VAV2: variants seen among roughly 807,000 people sequenced by gnomAD.
VAV2 encodes the protein guanine nucleotide exchange factor VAV2.
Under a neutral mutation model 132.5 loss-of-function variants are expected in VAV2, and 67 were observed. The ratio of observed to expected loss-of-function variants is 0.51; its 90% CI spans 0.42 to 0.62. The LOEUF is 0.62. VAV2 is among the 20% of genes least tolerant of loss of function. VAV2 has a pLI of 0.00. For synonymous variants in VAV2, 492 were observed against 443.5 expected, an observed-to-expected ratio of 1.11 and a Z score of -1.37; for missense variants, 938 against 1,153.6, an observed-to-expected ratio of 0.81 and a Z score of 2.71.
In VAV2 at chr9:133,857,937, C is replaced by A. The variant is rs1213285177; in HGVS notation, c.380+3437G>T. Among the ~76,000 whole-genome samples the A allele has an allele frequency of 1.3e-5, 2 of 152,228 alleles. No individual in the cohort carries two copies. The highest frequency in any genetic ancestry group is 2.9e-5 in the Non-Finnish European group (2 of 68,036). ...AGGAGGGCCTGCAGAGGTCTTCCTGCAAAGCCTCGCTCTGCGCCCAGGAGG... is the reference window on the plus strand; with the variant it reads ...AGGAGGGCCTGCAGAGGTCTTCCTGAAAAGCCTCGCTCTGCGCCCAGGAGG... On this transcript the variant is annotated intron_variant, in intron 3 of 29. Transcript: ENST00000371850. The surrounding 1 kb of genome is among the most constrained non-coding windows in gnomAD (Gnocchi z 4.0).
At chr9:133,803,241 G>A (rs771199466) in intron 9 of VAV2, among the ~76,000 whole-genome samples, 3 of 152,158 alleles carry the variant, frequency 2.0e-5, no homozygotes, top group Non-Finnish European at 4.4e-5. Flanking sequence ...CCTTCGTCTC[G>A]TTCTGTTCTG....
At position 133,992,315 on chromosome 9, in the gene VAV2, G is replaced by T. The variant is rs761647218; in HGVS notation, c.-37C>A. On this transcript the variant is annotated 5_prime_UTR_variant, in exon 1 of 30. Transcript: ENST00000371850. This position sits in a 1 kb window ranked among gnomAD's most constrained non-coding sequence, Gnocchi z 5.5. ...GCCCGACCGGCTCAGGGCAGTGCTC[G>T]AGCCAAAGTGCAGCGGCCGCGGGGC... 6 of 1,294,772 alleles carry T rather than the reference G, an allele frequency of 4.6e-6. No individual in the cohort carries two copies. Among genetic ancestry groups the T allele is most frequent in the African/African-American group, 4.6e-5 (3 of 64,974 alleles). The allele number at this position is 1,294,772 out of a possible 1,614,324, so 80.2% of individuals were successfully genotyped here.
intron 1 of VAV2, among the ~76,000 whole-genome samples, chr9:133,988,043 G>A (rs1196723770): frequency 9.9e-5 from 15 of 152,166 alleles, no homozygotes; most frequent in Admixed American, 9.8e-4. Context: ...TGGGAGGGGC[G>A]CTCCAAGTCC....
At chr9:133,976,077 G>A (rs1042275785) in intron 1 of VAV2, among the ~76,000 whole-genome samples, 1 of 151,920 alleles carries the variant, frequency 6.6e-6, no homozygotes, top group Admixed American at 6.6e-5. Context: ...CGTGGTGGTG[G>A]GCACCTGTAA....
At chr9:133,849,498 G>A (rs904484382) in intron 3 of VAV2, among the ~76,000 whole-genome samples, 6 of 152,214 alleles carry the variant, frequency 3.9e-5, no homozygotes, top group Non-Finnish European at 5.9e-5. Flanking sequence ...TGGACCCTGC[G>A]TCCCAGAGCT....
intron 1 of VAV2, among the ~76,000 whole-genome samples, chr9:133,950,285 G>A (rs1476015775): frequency 1.3e-5 from 2 of 152,206 alleles, no homozygotes; most frequent in Non-Finnish European, 2.9e-5. Context: ...TCATTTGGAA[G>A]TCTGAGTGGA....
At chr9:133,806,021 T>TG (rs1277891905) in intron 9 of VAV2, 60 bp downstream of exon 9, 34 of 1,543,562 alleles carry the variant, frequency 2.2e-5, no homozygotes, top group Non-Finnish European at 3.0e-5. Flanking sequence ...GTTCCACTTG[T>TG]GTAAACTCTC....
chr9:133,917,388 T>C (rs1208034675), intron 2 of VAV2, among the ~76,000 whole-genome samples: 1 of 151,988 alleles, frequency 6.6e-6, no homozygotes, highest in Non-Finnish European at 1.5e-5. Flanking sequence ...CTGAATATTT[T>C]TTGACTTAAC....
rs1295055251 is a variant in VAV2, at chr9:133,863,600, G to A, written c.322-2168C>T. ...CCAAGCTTGGGGCGCTTTGCCCCAG[G>A]ATGAACGTGTCACGAGCAGCTGATG... On this transcript the variant is annotated intron_variant, in intron 2 of 29. Transcript: ENST00000371850. The surrounding 1 kb of genome is among the most constrained non-coding windows in gnomAD (Gnocchi z 5.0). 6.6e-6 allele frequency among the ~76,000 whole-genome samples: 1 copy of A among 152,316 alleles called. No homozygotes were observed. The highest frequency in any genetic ancestry group is 1.5e-5 in the Non-Finnish European group (1 of 68,016).
At chr9:133,974,460 C>T (rs1459328757) in intron 1 of VAV2, among the ~76,000 whole-genome samples, 1 of 152,136 alleles carries the variant, frequency 6.6e-6, no homozygotes, top group Non-Finnish European at 1.5e-5. Flanking sequence ...CAGCAGTGGT[C>T]TCCGTTTGCT....
At chr9:133,845,626 A>ACGGGGCCTCACGTTGGAGGAT (rs1836903667) in intron 3 of VAV2, among the ~76,000 whole-genome samples, 2 of 152,170 alleles carry the variant, frequency 1.3e-5, no homozygotes, top group Non-Finnish European at 2.9e-5. Flanking sequence ...CCCTAGTGTG[A>ACGGGGCCTCACGTTGGAGGAT]CGGGGCCTCA....
At chr9:133,947,554 C>T (rs1167891560) in intron 1 of VAV2, among the ~76,000 whole-genome samples, 1 of 151,934 alleles carries the variant, frequency 6.6e-6, no homozygotes, top group Non-Finnish European at 1.5e-5. Flanking sequence ...ACAAAATTAG[C>T]CAGGCGTGGT....
At chr9:133,980,037 C>T (rs1162918941) in intron 1 of VAV2, among the ~76,000 whole-genome samples, 1 of 152,256 alleles carries the variant, frequency 6.6e-6, no homozygotes, top group African/African-American at 2.4e-5. Context: ...GCGCGACACA[C>T]AGAGTAGGGT....
At chr9:133,864,013 G>A (rs956744687) in intron 2 of VAV2, among the ~76,000 whole-genome samples, 2 of 152,126 alleles carry the variant, frequency 1.3e-5, no homozygotes, top group African/African-American at 2.4e-5. Context: ...AGAGAGCTGG[G>A]TGTCCCCAGG....
chr9:133,973,089 G>A (rs796259591), intron 1 of VAV2, among the ~76,000 whole-genome samples: 7 of 152,074 alleles, frequency 4.6e-5, no homozygotes, highest in African/African-American at 1.7e-4. Context: ...GCCCTGCCTT[G>A]GTACCAAGGC....
At chr9:133,871,235 G>A (rs951566580) in intron 2 of VAV2, among the ~76,000 whole-genome samples, 2 of 146,816 alleles carry the variant, frequency 1.4e-5, no homozygotes, top group South Asian at 4.3e-4. Context: ...TAGGTGGGTG[G>A]GCAGATGGAT....
At chr9:133,910,760 CTTGCAGTGAGCCGAGA>C (rs1235674153) in intron 2 of VAV2, among the ~76,000 whole-genome samples, 1 of 145,266 alleles carries the variant, frequency 6.9e-6, no homozygotes, top group East Asian at 2.1e-4. Flanking sequence ...GGAGGTGGAG[CTTGCAGTGAGCCGAGA>C]TTGCACCACT....
chr9:133,817,291 G>C (rs1388009178), intron 4 of VAV2, among the ~76,000 whole-genome samples: 7 of 152,204 alleles, frequency 4.6e-5, no homozygotes, highest in Non-Finnish European at 8.8e-5. Flanking sequence ...TAGACGTCCT[G>C]ACATCATCCC....
In VAV2 at chr9:133,969,740, A is replaced by T. The variant is rs528464462; in HGVS notation, c.204+22335T>A. On this transcript the variant is annotated intron_variant, in intron 1 of 29. Transcript: ENST00000371850. The surrounding 1 kb of genome is among the most constrained non-coding windows in gnomAD (Gnocchi z 5.1). ...AGCCCACCCACTCCTCCTGCGCTCCAGCGGGGCCGTCCATCTCTCTCCATT... is the reference window on the plus strand; with the variant it reads ...AGCCCACCCACTCCTCCTGCGCTCCTGCGGGGCCGTCCATCTCTCTCCATT... 4.6e-5 allele frequency among the ~76,000 whole-genome samples: 7 copies of T among 151,984 alleles called. No individual in the cohort carries two copies. Among genetic ancestry groups the T allele is most frequent in the African/African-American group, 1.7e-4 (7 of 41,394 alleles).
Sources: allele counts gnomAD v4.1 joint callset (sites outside exome capture counted in the v4.1 genomes callset), GRCh38; gene constraint gnomAD v4.1.1; non-coding constraint Gnocchi (gnomAD v3.1); transcripts MANE v1.5; gene names NCBI Gene and HGNC (gene_info 2026-07-23, HGNC 2026-07-21).